Variants in ZNF608 observed in about 807,000 individuals in gnomAD.
ZNF608 encodes zinc finger protein 608.
ZNF608 carries 12 observed loss-of-function variants against 109.0 expected under a neutral mutation model. That is an observed-to-expected ratio of 0.11 (90% confidence interval 0.07 to 0.18). The LOEUF is 0.18. ZNF608 is among the 10% of genes least tolerant of loss of function. ZNF608 has a pLI of 1.00. For missense variants in ZNF608, 1,707 were observed against 1,879.3 expected, an observed-to-expected ratio of 0.91 and a Z score of 1.70; for synonymous variants, 732 against 717.4, an observed-to-expected ratio of 1.02 and a Z score of -0.33.
intron 9 of ZNF608, chr5:124,638,906 C>T: frequency 2.3e-6 from 2 of 872,180 alleles, no homozygotes; most frequent in Non-Finnish European, 1.6e-6. Flanking sequence ...TTTCAACTGT[C>T]TAAAAAACTA....
At chr5:124,666,484 A>G (rs897001490) in intron 3 of ZNF608, 2 of 152,222 alleles carry the variant, frequency 1.3e-5, no homozygotes, top group Non-Finnish European at 2.9e-5. Flanking sequence ...TCTCCAAATA[A>G]TACAAATAGA....
At chr5:124,742,134 T>A (rs80349919) in intron 2 of ZNF608, among the ~76,000 whole-genome samples, 5 of 152,334 alleles carry the variant, frequency 3.3e-5, no homozygotes, top group African/African-American at 1.2e-4. Flanking sequence ...TGCATGTATA[T>A]GAATAATTTA....
chr5:124,676,594 G>C (rs1382669970), intron 3 of ZNF608, among the ~76,000 whole-genome samples: 1 of 151,956 alleles, frequency 6.6e-6, no homozygotes, highest in Non-Finnish European at 1.5e-5. Context: ...AAAAATAGCC[G>C]CACACTATTT....
intron 2 of ZNF608, among the ~76,000 whole-genome samples, chr5:124,709,565 T>C (rs763838806): frequency 9.2e-5 from 14 of 152,214 alleles, no homozygotes; most frequent in Non-Finnish European, 1.8e-4. Context: ...CAGGGACTCT[T>C]TTCTACCACA....
intron 3 of ZNF608, among the ~76,000 whole-genome samples, chr5:124,654,030 C>A (rs1329167743): frequency 6.6e-6 from 1 of 152,090 alleles, no homozygotes; most frequent in African/African-American, 2.4e-5. Flanking sequence ...AAAGTTGTTC[C>A]TTGTGTTAAA....
At chr5:124,686,252 C>T (rs1308631378) in intron 3 of ZNF608, among the ~76,000 whole-genome samples, 1 of 152,216 alleles carries the variant, frequency 6.6e-6, no homozygotes, top group African/African-American at 2.4e-5. Context: ...CCATTAGATT[C>T]TCTGTCCCTG....
intron 2 of ZNF608, among the ~76,000 whole-genome samples, chr5:124,721,941 CA>C (rs199699487): frequency 0.022 from 450 of 20,754 alleles, no homozygotes; most frequent in African/African-American, 0.081. Context: ...GACTCTGTCT[CA>C]AAAAAAAAAA....
Position 124,644,308 on chromosome 5 carries a change from C to T in ZNF608, c.4059G>A (p.Gln1353=), listed in dbSNP as rs763831669. 1 of 1,614,062 alleles carries T rather than the reference C, an allele frequency of 6.2e-7. No homozygotes were observed. The highest frequency in any genetic ancestry group is 1.1e-5 in the South Asian group (1 of 91,088). The part of the protein sequence containing the change: ...IQYLHAYPYP[Q]MYDPSHPAYR... Reference sequence around the variant, plus strand: ...ATGCAGGATGGCTGGGGTCGTACATCTGTGGGTAAGGATAAGCATGCAAGT... The same window carrying T: ...ATGCAGGATGGCTGGGGTCGTACATTTGTGGGTAAGGATAAGCATGCAAGT... The change falls in exon 6 of 10, where the codon CAG becomes CAA. Residue 1353 remains glutamine, a synonymous_variant. Transcript: ENST00000513986.
intron 3 of ZNF608, among the ~76,000 whole-genome samples, chr5:124,653,327 A>G (rs1561539164): frequency 1.3e-5 from 2 of 152,228 alleles, no homozygotes; most frequent in Admixed American, 1.3e-4. Flanking sequence ...CTGAGACCTC[A>G]TAAGGATTTC....
intron 3 of ZNF608, among the ~76,000 whole-genome samples, chr5:124,666,907 C>A (rs1367243094): frequency 6.6e-6 from 1 of 151,890 alleles, no homozygotes. Context: ...AAATAGAACA[C>A]AAAATAATGA....
intron 3 of ZNF608, among the ~76,000 whole-genome samples, chr5:124,671,839 T>C (rs1445942009): frequency 6.6e-6 from 1 of 151,936 alleles, no homozygotes; most frequent in African/African-American, 2.4e-5. Context: ...GGTCTCCCTA[T>C]GTTGCCCAGG....
chr5:124,734,214 G>A (rs762198308), intron 2 of ZNF608, among the ~76,000 whole-genome samples: 1 of 152,088 alleles, frequency 6.6e-6, no homozygotes, highest in African/African-American at 2.4e-5. Flanking sequence ...AGTAAATTTC[G>A]CCGTTTACAT....
At chr5:124,706,008 G>C (rs1343479963) in intron 2 of ZNF608, among the ~76,000 whole-genome samples, 1 of 152,232 alleles carries the variant, frequency 6.6e-6, no homozygotes, top group Middle Eastern at 3.2e-3. Context: ...CTTCTGGACT[G>C]ACTGTGTAGT....
intron 2 of ZNF608, among the ~76,000 whole-genome samples, chr5:124,736,565 T>C (rs1451293740): frequency 2.0e-5 from 3 of 151,882 alleles, no homozygotes; most frequent in Non-Finnish European, 4.4e-5. Flanking sequence ...TCCAAACACA[T>C]GATGAGTGTA....
At position 124,688,180 on chromosome 5, in the gene ZNF608, T is replaced by C. The variant is rs552375189; in HGVS notation, c.1162+12834A>G. 2.0e-5 allele frequency among the ~76,000 whole-genome samples: 3 copies of C among 152,232 alleles called. No homozygotes were observed. The South Asian group carries it at 6.2e-4, about 32-fold the overall frequency. On this transcript the variant is annotated intron_variant, in intron 3 of 9. Transcript: ENST00000513986. ...TGTTTGAATTCTTCATATTTAAAAG[T>C]ATCTTTTAACTTCCTTCACTTGGGA...
chr5:124,738,568 A>C (rs1264030776), intron 2 of ZNF608, among the ~76,000 whole-genome samples: 1 of 152,238 alleles, frequency 6.6e-6, no homozygotes, highest in Non-Finnish European at 1.5e-5. Context: ...TGTGGCAATT[A>C]TCTTCCTTCA....
In ZNF608 at chr5:124,665,333, A is replaced by G. The variant is rs540555028; in HGVS notation, c.1163-15636T>C. Among the ~76,000 whole-genome samples the G allele has an allele frequency of 3.3e-5, 5 of 152,366 alleles. No individual in the cohort carries two copies. The South Asian group carries it at 8.3e-4, about 25-fold the overall frequency. ...CCACAGAGCCAGGTGTTAAATACTT[A>G]CTGGCACACCAATGGTTATAAATTT... On this transcript the variant is annotated intron_variant, in intron 3 of 9. Transcript: ENST00000513986.
chr5:124,639,307 C>A (rs747758388), intron 8 of ZNF608, 93 bp from the exon 9 acceptor site: 8 of 1,012,676 alleles, frequency 7.9e-6, no homozygotes, highest in Non-Finnish European at 1.2e-5. Context: ...CTAGTAGCAG[C>A]ATGGTGTCCT....
intron 3 of ZNF608, among the ~76,000 whole-genome samples, chr5:124,667,783 A>T (rs921017929): frequency 6.6e-6 from 1 of 152,186 alleles, no homozygotes; most frequent in Non-Finnish European, 1.5e-5. Context: ...CGTACAACCG[A>T]GGTACAAGGA....
Sources: allele counts gnomAD v4.1 joint callset (sites outside exome capture counted in the v4.1 genomes callset), GRCh38; gene constraint gnomAD v4.1.1; transcripts MANE v1.5; gene names NCBI Gene and HGNC (gene_info 2026-07-23, HGNC 2026-07-21).